The following NAV2 variants were observed in gnomAD, a reference collection of about 807,000 sequenced individuals.
NAV2 encodes the protein neuron navigator 2.
In NAV2, 54 loss-of-function variants were observed where a neutral mutation model predicts 223.2. The ratio of observed to expected loss-of-function variants is 0.24; its 90% CI spans 0.19 to 0.30. The LOEUF (loss-of-function observed/expected upper bound fraction) is 0.30, where lower values mean the gene tolerates loss of function less well. NAV2 is among the 10% of genes least tolerant of loss of function. NAV2 has a pLI of 1.00. For missense variants in NAV2, 2,806 were observed against 3,147.5 expected, an observed-to-expected ratio of 0.89 and a Z score of 2.60; for synonymous variants, 1,279 against 1,239.3, an observed-to-expected ratio of 1.03 and a Z score of -0.67.
At chr11:19,570,214 G>T (rs572631583) in intron 1 of NAV2, among the ~76,000 whole-genome samples, 1 of 152,184 alleles carries the variant, frequency 6.6e-6, no homozygotes, top group Non-Finnish European at 1.5e-5. Context: ...CCCTGCCTCT[G>T]CTCTGCATGG....
chr11:19,532,773 C>T (rs1160341166), intron 1 of NAV2, among the ~76,000 whole-genome samples: 1 of 152,216 alleles, frequency 6.6e-6, no homozygotes, highest in East Asian at 1.9e-4. Flanking sequence ...AGGGCAACCC[C>T]TTCTTATGAC....
At position 19,761,418 on chromosome 11, in the gene NAV2, G is replaced by C. The variant is rs192377686; in HGVS notation, c.267+47456G>C. The stretch of plus-strand genomic sequence containing the variant: ...AAGTAAAGTTGAATGATATGCTCAG[G>C]AGTGACAGGGGCAACTTTGGATGAG... On this transcript the variant is annotated intron_variant, in intron 1 of 37. Coordinates refer to ENST00000349880, the MANE Select transcript of NAV2 (RefSeq NM_145117.5). Among the ~76,000 whole-genome samples the C allele has an allele frequency of 4.5e-3, 678 of 152,290 alleles. 4 individuals carry two copies. The highest frequency in any genetic ancestry group is 0.016 in the African/African-American group (646 of 41,558).
At chr11:19,618,408 G>GAGTA (rs1288064251) in intron 1 of NAV2, among the ~76,000 whole-genome samples, 1 of 142,124 alleles carries the variant, frequency 7.0e-6, no homozygotes, top group Non-Finnish European at 1.5e-5. Flanking sequence ...ATAGATGGAT[G>GAGTA]GATGGATGGA....
chr11:19,412,235 G>C (rs1850176150), intron 1 of NAV2, among the ~76,000 whole-genome samples: 1 of 152,182 alleles, frequency 6.6e-6, no homozygotes, highest in South Asian at 2.1e-4. Context: ...AAGCTTGGTG[G>C]GGGGAGGGGC....
chr11:19,757,567 G>T (rs1192910014), intron 1 of NAV2, among the ~76,000 whole-genome samples: 2 of 152,164 alleles, frequency 1.3e-5, no homozygotes, highest in Admixed American at 1.3e-4. Context: ...AGTAGAGTGG[G>T]TAATTCCTCT....
rs2045505558 is a variant in NAV2, at chr11:19,574,162, A to G, written c.75+223135A>G. 1.3e-5 allele frequency among the ~76,000 whole-genome samples: 2 copies of G among 152,244 alleles called. 1 individual carries two copies. Among genetic ancestry groups the G allele is most frequent in the South Asian group, 4.1e-4 (2 of 4,836 alleles). The stretch of plus-strand genomic sequence containing the variant: ...CTAGTTGTATAAAACTGAGCAAGTT[A>G]CTGAGCATTCCTGGTTCCCACTGCT... On this transcript the variant is annotated intron_variant, in intron 1 of 37. Transcript: ENST00000360655.
chr11:19,892,330 C>A, intron 5 of NAV2, 104 bp from the exon 6 acceptor site: 1 of 1,130,086 alleles, frequency 8.8e-7, no homozygotes, highest in Non-Finnish European at 1.2e-6. Flanking sequence ...CACACAATGT[C>A]TTGGATAGTT....
chr11:20,036,127 C>A (rs749874992), intron 12 of NAV2, 30 bp downstream of exon 12: 2 of 1,613,752 alleles, frequency 1.2e-6, no homozygotes, highest in South Asian at 2.2e-5. Context: ...CCAGGCTCCT[C>A]CAGCAGCCTC....
intron 3 of NAV2, among the ~76,000 whole-genome samples, chr11:19,866,776 A>G (rs2062118172): frequency 6.6e-6 from 1 of 152,146 alleles, no homozygotes; most frequent in Non-Finnish European, 1.5e-5. Context: ...CTACCTCGTC[A>G]GCCCACCTCC....
At chr11:19,684,063 C>G (rs777602643) in intron 1 of NAV2, among the ~76,000 whole-genome samples, 2 of 152,060 alleles carry the variant, frequency 1.3e-5, no homozygotes, top group Non-Finnish European at 2.9e-5. Context: ...AACTTGATTG[C>G]GAAATCCAAA....
In NAV2 at chr11:19,814,706, C is replaced by A. The variant is rs2059003526; in HGVS notation, c.268-17778C>A. On this transcript the variant is annotated intron_variant, in intron 1 of 37. Transcript: ENST00000349880. ...TCTTGAACTCCTGAGCTTAAGCAATCCTCCTGCCTCAGCCTTCTGGAGCAG... is the reference window on the plus strand; with the variant it reads ...TCTTGAACTCCTGAGCTTAAGCAATACTCCTGCCTCAGCCTTCTGGAGCAG... Among the ~76,000 whole-genome samples, 3 of 152,218 alleles carry A rather than the reference C, an allele frequency of 2.0e-5. No homozygotes were observed. The South Asian group carries it at 6.2e-4, about 32-fold the overall frequency.
intron 1 of NAV2, among the ~76,000 whole-genome samples, chr11:19,702,742 C>T (rs1376045994): frequency 6.6e-6 from 1 of 151,370 alleles, no homozygotes; most frequent in Non-Finnish European, 1.5e-5. Flanking sequence ...GGTGCCATTG[C>T]ACTTCAGCCT....
chr11:19,494,339 C>T (rs2042725959), intron 1 of NAV2, among the ~76,000 whole-genome samples: 1 of 152,164 alleles, frequency 6.6e-6, no homozygotes, highest in African/African-American at 2.4e-5. Flanking sequence ...AACACTTTGG[C>T]CCATAAATTT....
In NAV2 at chr11:19,948,712, C is replaced by T; in HGVS notation, c.2277C>T (p.Asp759=). The change falls in exon 10 of 38, where the codon GAC becomes GAT. Residue 759 remains aspartate, a synonymous_variant. Coordinates refer to ENST00000349880, the MANE Select transcript of NAV2 (RefSeq NM_145117.5). The part of the protein sequence containing the change: ...VTHSTLETTF[D]TNVTTEMSGR... The stretch of plus-strand genomic sequence containing the variant: ...CTAGCACATTGGAAACCACGTTTGA[C>T]ACCAATGTCACCACGGAGATGAGTG... The T allele has an allele frequency of 6.3e-7, 1 of 1,588,298 alleles. No homozygotes were observed. The highest frequency in any genetic ancestry group is 8.6e-7 in the Non-Finnish European group (1 of 1,162,438).
At chr11:19,484,664 C>A (rs2042385340) in intron 1 of NAV2, among the ~76,000 whole-genome samples, 1 of 152,186 alleles carries the variant, frequency 6.6e-6, no homozygotes. Context: ...CATCTTGACC[C>A]AGACCCCTTC....
At chr11:19,383,188 C>T (rs1848909617) in intron 1 of NAV2, among the ~76,000 whole-genome samples, 1 of 152,180 alleles carries the variant, frequency 6.6e-6, no homozygotes, top group South Asian at 2.1e-4. Context: ...CACCACACAC[C>T]CCTGCTTCCT....
At chr11:19,468,836 T>C (rs1472975725) in intron 1 of NAV2, among the ~76,000 whole-genome samples, 1 of 152,174 alleles carries the variant, frequency 6.6e-6, no homozygotes, top group Non-Finnish European at 1.5e-5. Flanking sequence ...TATTTCTCAT[T>C]TTTTAGAAGG....
rs145076389 is a variant in NAV2 at position 20,055,880 on chromosome 11, G to A, written c.4754G>A (p.Arg1585Gln). ...QYDPYTDSRF[R>Q]NSSMSLDEKS... is the part of the protein sequence containing the mutation. ...GATCCATACACTGACAGCCGCTTCC[G>A]GAATAGCTCCATGTCCCTGGATGAG... is the stretch of plus-strand genomic sequence containing the variant. The change falls in exon 19 of 38, where the codon CGG (arginine) becomes CAG (glutamine). Residue 1585 changes from arginine (R) to glutamine (Q), a missense_variant. Transcript: ENST00000349880. The A allele has an allele frequency of 5.6e-5, 90 of 1,614,170 alleles. No individual in the cohort carries two copies. Among genetic ancestry groups the A allele is most frequent in the Middle Eastern group, 1.6e-4 (1 of 6,062 alleles).
At chr11:19,548,817 G>A (rs2134622505) in intron 1 of NAV2, among the ~76,000 whole-genome samples, 1 of 146,614 alleles carries the variant, frequency 6.8e-6, no homozygotes, top group Non-Finnish European at 1.5e-5. Flanking sequence ...GGCGGAGCTT[G>A]CAGTGAGCCA....
Sources: allele counts gnomAD v4.1 joint callset (sites outside exome capture counted in the v4.1 genomes callset), GRCh38; gene constraint gnomAD v4.1.1; transcripts MANE v1.5; gene names NCBI Gene and HGNC (gene_info 2026-07-23, HGNC 2026-07-21).